The following SH3BGRL2 variants were observed in gnomAD, a reference collection of about 807,000 sequenced individuals.
SH3BGRL2 encodes the protein SH3 domain-binding glutamic acid-rich-like protein 2.
In SH3BGRL2, 21 loss-of-function variants were observed where a neutral mutation model predicts 14.8. The observed-to-expected ratio is 1.42, with a 90% CI of 1.01 to 2.05. The LOEUF is 2.05. Ranked by LOEUF, SH3BGRL2 falls within the 30% of genes most tolerant of loss-of-function variation. The probability of loss-of-function intolerance (pLI) is 0.00; values close to 1 mark genes in which losing one functional copy is unlikely to be tolerated. For synonymous variants in SH3BGRL2, 50 were observed against 47.8 expected (o/e 1.05, Z -0.19); for missense variants, 147 against 130.8 (o/e 1.12, Z -0.61).
the SH3BGRL2 span, among the ~76,000 whole-genome samples, chr6:79,556,114 A>G: frequency 6.6e-6 from 1 of 152,254 alleles, no homozygotes; most frequent in East Asian, 1.9e-4. Flanking sequence ...AATAAAAGCA[A>G]ATATTTATCA....
At chr6:79,551,545 T>C in the SH3BGRL2 span, among the ~76,000 whole-genome samples, 1 of 152,166 alleles carries the variant, frequency 6.6e-6, no homozygotes, top group Non-Finnish European at 1.5e-5. Flanking sequence ...GTGGCCCTCC[T>C]GCAGGCTAGG....
upstream of SH3BGRL2, chr6:79,631,204 G>C (rs900301822): frequency 7.9e-6 from 3 of 380,490 alleles, no homozygotes; most frequent in Admixed American, 9.2e-5. Flanking sequence ...CCACTCCAGG[G>C]AGAGACGGAA....
chr6:79,571,026 G>A, the SH3BGRL2 span, among the ~76,000 whole-genome samples: 1 of 152,178 alleles, frequency 6.6e-6, no homozygotes, highest in African/African-American at 2.4e-5. Context: ...GCATTTTATA[G>A]AACTAACCTG....
chr6:79,663,039 C>G lies in SH3BGRL2; in HGVS notation c.46-10575C>G, dbSNP rs139743776. On this transcript the variant is annotated intron_variant, in intron 1 of 3. Transcript: ENST00000369838. The stretch of plus-strand genomic sequence containing the variant: ...TCTCTACACTGCTTATTCTAGTTAG[C>G]CATTTGTCTAACCTTTTTTCAAGGT... Among the ~76,000 whole-genome samples the G allele has an allele frequency of 7.3e-3, 1,104 of 152,254 alleles. 12 individuals carry two copies. The highest frequency in any genetic ancestry group is 0.025 in the African/African-American group (1,023 of 41,536).
the SH3BGRL2 span, among the ~76,000 whole-genome samples, chr6:79,586,683 T>C: frequency 6.6e-6 from 1 of 152,182 alleles, no homozygotes; most frequent in East Asian, 1.9e-4. Flanking sequence ...AGCCTGGCTA[T>C]TCTCTGCCCT....
At chr6:79,564,688 C>T in the SH3BGRL2 span, among the ~76,000 whole-genome samples, 2 of 151,974 alleles carry the variant, frequency 1.3e-5, no homozygotes, top group African/African-American at 4.8e-5. Context: ...CTCAAAAATA[C>T]ACAAGAGTTT....
chr6:79,557,089 C>G, the SH3BGRL2 span, among the ~76,000 whole-genome samples: 1 of 151,630 alleles, frequency 6.6e-6, no homozygotes. Flanking sequence ...AAAAAACATA[C>G]AAGATAAAAC....
At chr6:79,678,376 G>A (rs1459704520) in intron 2 of SH3BGRL2, among the ~76,000 whole-genome samples, 1 of 152,030 alleles carries the variant, frequency 6.6e-6, no homozygotes, top group South Asian at 2.1e-4. Context: ...CAACTAAGCG[G>A]AATCACACAC....
At chr6:79,628,493 CTT>C (rs1768770906), upstream of SH3BGRL2, among the ~76,000 whole-genome samples, 1 of 152,098 alleles carries the variant, frequency 6.6e-6, no homozygotes, top group Non-Finnish European at 1.5e-5. Context: ...TTAGTCTCAT[CTT>C]TCAGTTTTGG....
Position 79,700,269 on chromosome 6 carries a change from T to G in SH3BGRL2, c.*760T>G, listed in dbSNP as rs751222158. The G allele has an allele frequency of 1.3e-5, 2 of 152,190 alleles. No individual in the cohort carries two copies. The highest frequency in any genetic ancestry group is 2.9e-5 in the Non-Finnish European group (2 of 68,028). 9.4% of individuals were successfully genotyped at this position (152,190 alleles called of 1,614,324 possible). On this transcript the variant is annotated 3_prime_UTR_variant, in exon 4 of 4. Transcript: ENST00000369838. The stretch of plus-strand genomic sequence containing the variant: ...TGCTTGAAAGATATATTTTAAGTGG[T>G]GCACTAATTAGTGAATATATAGGAA...
At chr6:79,666,767 A>G (rs1229531779) in intron 1 of SH3BGRL2, among the ~76,000 whole-genome samples, 1 of 152,100 alleles carries the variant, frequency 6.6e-6, no homozygotes, top group South Asian at 2.1e-4. Flanking sequence ...ACTTTTTTCT[A>G]TTTGAGATAC....
intron 1 of SH3BGRL2, among the ~76,000 whole-genome samples, chr6:79,636,045 G>C (rs1230070511): frequency 6.6e-6 from 1 of 152,164 alleles, no homozygotes; most frequent in African/African-American, 2.4e-5. Context: ...TAATTCCTAA[G>C]TTACTCTAAT....
the SH3BGRL2 span, among the ~76,000 whole-genome samples, chr6:79,602,736 G>A: frequency 6.6e-6 from 1 of 152,128 alleles, no homozygotes; most frequent in Non-Finnish European, 1.5e-5. Context: ...GGTCTAATTT[G>A]GGTAACTTTC....
upstream of SH3BGRL2, among the ~76,000 whole-genome samples, chr6:79,629,364 C>G (rs1396268446): frequency 6.6e-6 from 1 of 152,032 alleles, no homozygotes; most frequent in Non-Finnish European, 1.5e-5. Flanking sequence ...CTTGGCCTTG[C>G]TTGGCTTAGG....
the SH3BGRL2 span, among the ~76,000 whole-genome samples, chr6:79,610,535 A>G: frequency 1.3e-5 from 2 of 152,350 alleles, no homozygotes; most frequent in East Asian, 1.9e-4. Context: ...GTCCTTTGTT[A>G]TAGAAACAGA....
At chr6:79,670,774 G>T (rs1041927823) in intron 1 of SH3BGRL2, among the ~76,000 whole-genome samples, 4 of 152,106 alleles carry the variant, frequency 2.6e-5, no homozygotes, top group African/African-American at 9.7e-5. Context: ...TTCTGCTTGA[G>T]CATATATTAT....
At chr6:79,559,983 CAG>C in the SH3BGRL2 span, among the ~76,000 whole-genome samples, 1 of 151,314 alleles carries the variant, frequency 6.6e-6, no homozygotes, top group African/African-American at 2.4e-5. Context: ...GAATAGGAGA[CAG>C]AATGTGCAAG....
At chr6:79,682,814 A>G (rs1342791512) in intron 2 of SH3BGRL2, among the ~76,000 whole-genome samples, 2 of 152,264 alleles carry the variant, frequency 1.3e-5, no homozygotes, top group Admixed American at 1.3e-4. Flanking sequence ...ATGTCCATCA[A>G]TGATAGACTG....
the SH3BGRL2 span, among the ~76,000 whole-genome samples, chr6:79,539,895 A>C: frequency 1.7e-4 from 26 of 152,228 alleles, 1 homozygote; most frequent in Non-Finnish European, 1.5e-5. Context: ...CATCTATTTC[A>C]TACCATTCTA....
Sources: gnomAD v4.1 joint callset for allele counts (sites outside exome capture counted in the v4.1 genomes callset) on GRCh38, gnomAD v4.1.1 for gene constraint, MANE v1.5 for transcripts, NCBI Gene and HGNC (gene_info 2026-07-23, HGNC 2026-07-21) for gene names.